CRBN: variants seen among roughly 807,000 people sequenced by gnomAD.
The protein encoded by CRBN is cereblon.
In CRBN, 53 loss-of-function variants were observed where a neutral mutation model predicts 62.2. That is an observed-to-expected ratio of 0.85 (90% CI 0.68 to 1.07). The LOEUF (loss-of-function observed/expected upper bound fraction) is 1.07. CRBN is among the 50% of genes least tolerant of loss of function. The pLI is 0.00. For missense variants in CRBN, 616 were observed against 531.1 expected, an observed-to-expected ratio of 1.16 and a Z score of -1.57; for synonymous variants, 208 against 176.1, an observed-to-expected ratio of 1.18 and a Z score of -1.43.
At chr3:3,168,871 T>C (rs959016740) in intron 4 of CRBN, among the ~76,000 whole-genome samples, 6 of 152,096 alleles carry the variant, frequency 3.9e-5, no homozygotes, top group Non-Finnish European at 8.8e-5. Flanking sequence ...CTTCGGAAAA[T>C]GTTAAAAAAT....
At chr3:3,179,168 G>A (rs1354998563) in intron 1 of CRBN, among the ~76,000 whole-genome samples, 1 of 152,160 alleles carries the variant, frequency 6.6e-6, no homozygotes, top group East Asian at 1.9e-4. Flanking sequence ...ACTGATGTGG[G>A]AAGGATTAAA....
In CRBN at chr3:3,174,467, C is replaced by A. The variant is rs538784972; in HGVS notation, c.175-206G>T. Reference sequence around the variant, plus strand: ...ACCAACCTGGCCAACATGGTGGAACCCTGTTGCTACTAAAAATACAAAAAT... The same window carrying A: ...ACCAACCTGGCCAACATGGTGGAACACTGTTGCTACTAAAAATACAAAAAT... On this transcript the variant is annotated intron_variant, in intron 2 of 10. Coordinates refer to ENST00000231948, the MANE Select transcript of CRBN (RefSeq NM_016302.4). Among the ~76,000 whole-genome samples the A allele has an allele frequency of 3.1e-4, 47 of 152,096 alleles. 1 individual carries two copies. Among genetic ancestry groups the A allele is most frequent in the Middle Eastern group, 6.8e-3 (2 of 294 alleles).
intron 9 of CRBN, 43 bp from the exon 10 acceptor site, chr3:3,152,630 G>A: frequency 6.2e-7 from 1 of 1,612,146 alleles, no homozygotes; most frequent in Non-Finnish European, 8.5e-7. Flanking sequence ...AAAACGAGAA[G>A]TCTAATTTTA....
intron 5 of CRBN, among the ~76,000 whole-genome samples, chr3:3,161,451 C>T (rs1227319400): frequency 6.6e-6 from 1 of 152,176 alleles, no homozygotes; most frequent in East Asian, 1.9e-4. Context: ...AGTACAAACA[C>T]CTTAAGTATT....
At chr3:3,156,776 G>T (rs2126056495) in intron 5 of CRBN, 1 of 157,234 alleles carries the variant, frequency 6.4e-6, no homozygotes, top group Non-Finnish European at 1.4e-5. Context: ...ACTTCATGAT[G>T]AAGTTCCTCA....
chr3:3,168,986 G>T (rs1304437330), intron 4 of CRBN, among the ~76,000 whole-genome samples: 1 of 152,066 alleles, frequency 6.6e-6, no homozygotes, highest in Non-Finnish European at 1.5e-5. Flanking sequence ...CAAATAACTT[G>T]TTAATTACAT....
chr3:3,163,968 T>G (rs187353914), intron 5 of CRBN, among the ~76,000 whole-genome samples: 68 of 152,338 alleles, frequency 4.5e-4, no homozygotes, highest in African/African-American at 1.5e-3. Context: ...TTGTTATATC[T>G]GTTATGATGA....
chr3:3,162,425 A>G (rs1213168032), intron 5 of CRBN, among the ~76,000 whole-genome samples: 2 of 152,122 alleles, frequency 1.3e-5, no homozygotes, highest in Non-Finnish European at 2.9e-5. Context: ...ACAGTTTCAG[A>G]GCTCAAATTC....
At chr3:3,167,563 T>A in intron 5 of CRBN, 71 bp downstream of exon 5, 1 of 1,447,666 alleles carries the variant, frequency 6.9e-7, no homozygotes, top group Non-Finnish European at 9.7e-7. Context: ...AAGTTGTGTT[T>A]CTTTCTTAAA....
Position 3,172,712 on chromosome 3 carries a change from A to G in CRBN, c.527+64T>C. On this transcript the variant is annotated intron_variant, in intron 4 of 10. Transcript: ENST00000231948. ...TATGAAGGCTCAGTAGAACAGAAAA[A>G]GTACAAGAAAACTATTTCATTAGGA... is the stretch of plus-strand genomic sequence containing the variant. 3 of 1,521,112 alleles carry G rather than the reference A, an allele frequency of 2.0e-6. No individual in the cohort carries two copies. The Admixed American group carries it at 5.0e-5, about 25-fold the overall frequency. 94.2% of individuals were successfully genotyped at this position (1,521,112 alleles called of 1,614,324 possible).
At chr3:3,164,088 C>G (rs776096546) in intron 5 of CRBN, among the ~76,000 whole-genome samples, 1 of 152,284 alleles carries the variant, frequency 6.6e-6, no homozygotes, top group East Asian at 1.9e-4. Context: ...GCTCCACTGA[C>G]GAGCCCCTCC....
intron 2 of CRBN, 53 bp downstream of exon 2, chr3:3,175,110 A>G (rs1707777976): frequency 2.5e-6 from 3 of 1,211,836 alleles, no homozygotes; most frequent in Middle Eastern, 2.3e-4. Flanking sequence ...ATGAACTTTT[A>G]TCTACATTTA....
At position 3,150,840 on chromosome 3, in the gene CRBN, A is replaced by AAC. The variant is rs2126046971; in HGVS notation, c.*24_*25insGT. ...TCTTAGAATATAACCAATTTGTTAG[A>AAC]TAACTTTATCTCTATCACATCTGTT... is the stretch of plus-strand genomic sequence containing the variant. On this transcript the variant is annotated 3_prime_UTR_variant, in exon 11 of 11. Coordinates refer to ENST00000231948, the MANE Select transcript of CRBN (RefSeq NM_016302.4). The AAC allele has an allele frequency of 6.2e-7, 1 of 1,602,640 alleles. No individual in the cohort carries two copies. The highest frequency in any genetic ancestry group is 2.2e-5 in the East Asian group (1 of 44,608).
At chr3:3,151,278 C>T (rs1039977882) in intron 10 of CRBN, among the ~76,000 whole-genome samples, 1 of 152,170 alleles carries the variant, frequency 6.6e-6, no homozygotes, top group African/African-American at 2.4e-5. Context: ...TTTTCTTCTA[C>T]TGCATAGAAA....
At chr3:3,172,662 G>C in intron 4 of CRBN, 114 bp downstream of exon 4, 1 of 1,089,086 alleles carries the variant, frequency 9.2e-7, no homozygotes, top group Non-Finnish European at 1.4e-6. Context: ...AAGGGAAAGA[G>C]AACAACTAGT....
chr3:3,158,179 T>C (rs1170650604), intron 5 of CRBN, among the ~76,000 whole-genome samples: 1 of 152,188 alleles, frequency 6.6e-6, no homozygotes, highest in Non-Finnish European at 1.5e-5. Flanking sequence ...CATTTATCAT[T>C]AGATTCTCAT....
At chr3:3,154,106 T>C (rs766511797) in intron 7 of CRBN, 31 bp from the exon 8 acceptor site, 2 of 1,314,326 alleles carry the variant, frequency 1.5e-6, no homozygotes, top group Non-Finnish European at 2.2e-6. Context: ...AGTTTTAAAC[T>C]TAGGAGTCAG....
rs370542081 is a variant in CRBN, at chr3:3,172,874, G to C, written c.429C>G (p.Ala143=). The change falls in exon 4 of 11, where the codon GCC becomes GCG. Residue 143 remains alanine, a synonymous_variant. Coordinates refer to ENST00000231948, the MANE Select transcript of CRBN (RefSeq NM_016302.4). ...TTCCAAAATCCTGTTCTTCTCGATA[G>C]GCATATATCTCTGCTGTTGTTCCAA... ...AQFGTTAEIY[A]YREEQDFGIE... 6.8e-6 allele frequency: 11 copies of C among 1,613,168 alleles called. No homozygotes were observed. In the African/African-American group the frequency reaches 1.1e-4, roughly 16 times the overall value.
At position 3,153,823 on chromosome 3, in the gene CRBN, G is replaced by T. The variant is rs749903778; in HGVS notation, c.951+137C>A. The T allele has an allele frequency of 2.9e-5, 20 of 683,904 alleles. No homozygotes were observed. In the East Asian group the frequency reaches 4.6e-4, roughly 16 times the overall value. The allele number at this position is 683,904 out of a possible 1,614,324, so 42.4% of individuals were successfully genotyped here. ...CAAACACAAAACAATGAGTTTGTTTGTAAGATCCCAATTGAAATCTGAATT... is the reference window on the plus strand; with the variant it reads ...CAAACACAAAACAATGAGTTTGTTTTTAAGATCCCAATTGAAATCTGAATT... On this transcript the variant is annotated intron_variant, in intron 8 of 10. Coordinates refer to ENST00000231948, the MANE Select transcript of CRBN (RefSeq NM_016302.4).
Sources: gnomAD v4.1 joint callset for allele counts (sites outside exome capture counted in the v4.1 genomes callset) on GRCh38, gnomAD v4.1.1 for gene constraint, MANE v1.5 for transcripts, NCBI Gene and HGNC (gene_info 2026-07-23, HGNC 2026-07-21) for gene names.